The following DOK6 variants were observed in gnomAD, a reference collection of about 807,000 sequenced individuals.
DOK6 encodes the protein docking protein 6.
A neutral mutation model predicts 44.0 loss-of-function variants in DOK6; 22 were observed. The observed-to-expected ratio is 0.50, with a 90% CI of 0.36 to 0.71. The LOEUF (loss-of-function observed/expected upper bound fraction) is 0.71. DOK6 is among the 30% of genes least tolerant of loss of function. DOK6 has a pLI of 0.00. For synonymous variants in DOK6, 166 were observed against 145.5 expected (o/e 1.14, Z -1.01); for missense variants, 340 against 416.4 (o/e 0.82, Z 1.60).
At chr18:69,717,293 A>G (rs1599282653) in intron 5 of DOK6, among the ~76,000 whole-genome samples, 3 of 152,348 alleles carry the variant, frequency 2.0e-5, no homozygotes, top group Admixed American at 2.0e-4. Context: ...GTGTAAAAGT[A>G]TTCATTAAGC....
chr18:69,527,446 C>T (rs1485881374), intron 1 of DOK6, among the ~76,000 whole-genome samples: 1 of 152,158 alleles, frequency 6.6e-6, no homozygotes, highest in African/African-American at 2.4e-5. Context: ...AAAGCCTCTT[C>T]TAAAACCATC....
intron 4 of DOK6, among the ~76,000 whole-genome samples, chr18:69,684,912 C>T (rs886939220): frequency 1.3e-5 from 2 of 152,144 alleles, no homozygotes; most frequent in Non-Finnish European, 2.9e-5. Context: ...CAGAAACTGA[C>T]ATGGCACAGG....
intron 1 of DOK6, among the ~76,000 whole-genome samples, chr18:69,445,532 T>G (rs1382844628): frequency 1.3e-5 from 2 of 152,146 alleles, no homozygotes; most frequent in Non-Finnish European, 2.9e-5. Context: ...GATGCTTTTT[T>G]TGGGGGGGGA....
chr18:69,418,156 T>G (rs774269107), intron 1 of DOK6, among the ~76,000 whole-genome samples: 8 of 152,158 alleles, frequency 5.3e-5, no homozygotes, highest in Non-Finnish European at 1.2e-4. Context: ...AGCATTTCCC[T>G]AATGTTTTCT....
At chr18:69,467,353 C>T (rs1302445585) in intron 1 of DOK6, among the ~76,000 whole-genome samples, 1 of 151,960 alleles carries the variant, frequency 6.6e-6, no homozygotes, top group Non-Finnish European at 1.5e-5. Context: ...TCCTGTAACA[C>T]AAATAAAAAA....
intron 1 of DOK6, among the ~76,000 whole-genome samples, chr18:69,473,234 A>G (rs1036807208): frequency 6.6e-6 from 1 of 152,242 alleles, no homozygotes; most frequent in African/African-American, 2.4e-5. Flanking sequence ...TGTCAGGTAA[A>G]CAATGAGTAA....
chr18:69,508,580 G>C (rs1438669398), intron 1 of DOK6, among the ~76,000 whole-genome samples: 1 of 152,164 alleles, frequency 6.6e-6, no homozygotes, highest in Admixed American at 6.5e-5. Context: ...CAATTAGGTA[G>C]TGAGTGTGAG....
chr18:69,484,657 AC>A (rs1980522969), intron 1 of DOK6, among the ~76,000 whole-genome samples: 1 of 152,062 alleles, frequency 6.6e-6, no homozygotes, highest in Non-Finnish European at 1.5e-5. Context: ...CTATTGAAAA[AC>A]ATCTTATGTA....
chr18:69,539,963 T>G (rs1056750874), intron 1 of DOK6, among the ~76,000 whole-genome samples: 7 of 152,006 alleles, frequency 4.6e-5, no homozygotes, highest in African/African-American at 1.7e-4. Flanking sequence ...ATCATGGCAG[T>G]AGGTGAAGGG....
chr18:69,795,916 C>T (rs1980730989), intron 7 of DOK6, among the ~76,000 whole-genome samples: 1 of 152,144 alleles, frequency 6.6e-6, no homozygotes, highest in Admixed American at 6.6e-5. Context: ...CAGCTTTGAC[C>T]ACGTAGGGAA....
In DOK6 at chr18:69,547,044, A is replaced by T. The variant is rs77630416; in HGVS notation, c.67-17443A>T. 4.0e-5 allele frequency among the ~76,000 whole-genome samples: 6 copies of T among 151,498 alleles called. 1 individual carries two copies. The highest frequency in any genetic ancestry group is 3.9e-4 in the Admixed American group (6 of 15,194). ...TGGGAGCAGACATGTTTTCACGTGG[A>T]AAAAGCAGGAACAAGAGAGATAGTT... On this transcript the variant is annotated intron_variant, in intron 1 of 7. Coordinates refer to ENST00000382713, the MANE Select transcript of DOK6 (RefSeq NM_152721.6).
intron 3 of DOK6, among the ~76,000 whole-genome samples, chr18:69,667,276 G>T (rs1208949238): frequency 6.6e-6 from 1 of 152,038 alleles, no homozygotes; most frequent in Non-Finnish European, 1.5e-5. Flanking sequence ...AGCAGCTATT[G>T]TGCCAGATAT....
Position 69,841,955 on chromosome 18 carries a change from T to TGTGCGTGC in DOK6, c.*575_*576insCGTGCGTG, listed in dbSNP as rs1555674281. 1.1e-5 allele frequency: 1 copy of TGTGCGTGC among 94,676 alleles called. No individual in the cohort carries two copies. 5.9% of individuals were successfully genotyped at this position (94,676 alleles called of 1,614,324 possible). A position where few individuals can be genotyped will look rare whatever the true frequency, so the allele number is the denominator to read the frequency against. On this transcript the variant is annotated 3_prime_UTR_variant, in exon 8 of 8. Coordinates refer to ENST00000382713, the MANE Select transcript of DOK6 (RefSeq NM_152721.6). ...AGGGCCCTGTAGCTCTACTCGTGTG[T>TGTGCGTGC]GTGTGTGCGTGTGTGTGTGTGTGTG...
Position 69,697,659 on chromosome 18 carries a change from G to A in DOK6, c.410-745G>A, listed in dbSNP as rs547032066. ...AAATCTATTTAATGCATCTAAATGGGAATCAAAGGCAGCATAACTTTGCAA... is the reference window on the plus strand; with the variant it reads ...AAATCTATTTAATGCATCTAAATGGAAATCAAAGGCAGCATAACTTTGCAA... On this transcript the variant is annotated intron_variant, in intron 4 of 7. Transcript: ENST00000382713. Among the ~76,000 whole-genome samples, 4 of 152,080 alleles carry A rather than the reference G, an allele frequency of 2.6e-5. No individual in the cohort carries two copies. In the South Asian group the frequency reaches 8.3e-4, roughly 32 times the overall value.
intron 4 of DOK6, among the ~76,000 whole-genome samples, chr18:69,696,537 A>G (rs1986393042): frequency 6.6e-6 from 1 of 152,174 alleles, no homozygotes; most frequent in South Asian, 2.1e-4. Flanking sequence ...AATGTAAAGA[A>G]ATGTTTTACT....
chr18:69,620,929 G>A (rs565806850), intron 3 of DOK6, among the ~76,000 whole-genome samples: 5 of 152,104 alleles, frequency 3.3e-5, no homozygotes, highest in Non-Finnish European at 5.9e-5. Flanking sequence ...TTATTTTCAT[G>A]TTGCTTTGAA....
At chr18:69,714,857 T>G (rs1230970324) in intron 5 of DOK6, among the ~76,000 whole-genome samples, 1 of 152,224 alleles carries the variant, frequency 6.6e-6, no homozygotes, top group Non-Finnish European at 1.5e-5. Flanking sequence ...ATACTTTCAT[T>G]GACTCAGAAT....
intron 4 of DOK6, among the ~76,000 whole-genome samples, chr18:69,692,338 G>A (rs967065518): frequency 1.3e-5 from 2 of 152,204 alleles, no homozygotes; most frequent in East Asian, 1.9e-4. Context: ...CTGAGATACC[G>A]CCAGGGGCAA....
At chr18:69,402,537 CG>C (rs1427515762) in intron 1 of DOK6, among the ~76,000 whole-genome samples, 2 of 152,188 alleles carry the variant, frequency 1.3e-5, no homozygotes, top group African/African-American at 4.8e-5. Flanking sequence ...CGGGAGTTGG[CG>C]GCGCCAGGTG....
Sources: gnomAD v4.1 joint callset for allele counts (sites outside exome capture counted in the v4.1 genomes callset) on GRCh38, gnomAD v4.1.1 for gene constraint, MANE v1.5 for transcripts, NCBI Gene and HGNC (gene_info 2026-07-23, HGNC 2026-07-21) for gene names.